PRIMA1: variants seen among roughly 807,000 people sequenced by gnomAD.
PRIMA1 encodes the protein proline rich membrane anchor 1, also known as proline-rich membrane anchor 1.
In PRIMA1, 7 loss-of-function variants were observed where a neutral mutation model predicts 17.5. That is an observed-to-expected ratio of 0.40 (90% CI 0.23 to 0.75). The LOEUF (loss-of-function observed/expected upper bound fraction) is 0.75. Among genes scored for constraint, PRIMA1 ranks in the 30% least tolerant of loss-of-function variants. The probability of loss-of-function intolerance (pLI) is 0.37; values close to 1 mark genes in which losing one functional copy is unlikely to be tolerated. For missense variants in PRIMA1, 200 were observed against 201.8 expected (o/e 0.99, Z 0.05); for synonymous variants, 97 against 77.9 (o/e 1.25, Z -1.29).
chr14:93,780,079 A>T (rs10143350), intron 2 of PRIMA1, among the ~76,000 whole-genome samples: 3 of 152,068 alleles, frequency 2.0e-5, no homozygotes, highest in African/African-American at 7.2e-5. Context: ...CTCTCTCCCC[A>T]TCTCTCTGCC....
chr14:93,775,820 C>T (rs576013831), intron 3 of PRIMA1, among the ~76,000 whole-genome samples: 14 of 152,214 alleles, frequency 9.2e-5, no homozygotes, highest in Non-Finnish European at 1.8e-4. Context: ...TGGGTTTTAG[C>T]CCTTCTATTC....
chr14:93,749,858 C>T (rs1029242653), intron 3 of PRIMA1, among the ~76,000 whole-genome samples: 3 of 151,832 alleles, frequency 2.0e-5, no homozygotes, highest in Non-Finnish European at 2.9e-5. Flanking sequence ...GCCTGGGCAA[C>T]ATAGCAAGAC....
At chr14:93,772,634 C>T (rs1174528480) in intron 3 of PRIMA1, among the ~76,000 whole-genome samples, 1 of 152,250 alleles carries the variant, frequency 6.6e-6, no homozygotes, top group African/African-American at 2.4e-5. Context: ...TCATGCCCAC[C>T]CATGCCTTCC....
intron 4 of PRIMA1, among the ~76,000 whole-genome samples, chr14:93,728,382 G>T (rs557221474): frequency 2.0e-5 from 3 of 152,212 alleles, no homozygotes; most frequent in Non-Finnish European, 2.9e-5. Flanking sequence ...GAGGTCCAGG[G>T]GATGAGAAGG....
At chr14:93,752,739 A>G (rs1466420698) in intron 3 of PRIMA1, among the ~76,000 whole-genome samples, 1 of 151,894 alleles carries the variant, frequency 6.6e-6, no homozygotes, top group Non-Finnish European at 1.5e-5. Context: ...TGTCTGGACA[A>G]GCAGCCCAGT....
chr14:93,742,085 T>G (rs1043308492), intron 3 of PRIMA1, among the ~76,000 whole-genome samples: 2 of 152,144 alleles, frequency 1.3e-5, no homozygotes, highest in Non-Finnish European at 2.9e-5. Context: ...GACTTCTGCT[T>G]CCAGCCAAGA....
intron 3 of PRIMA1, among the ~76,000 whole-genome samples, chr14:93,774,997 C>T (rs374546374): frequency 6.6e-6 from 1 of 152,226 alleles, no homozygotes; most frequent in African/African-American, 2.4e-5. Flanking sequence ...CTCATGGAAT[C>T]GGCCTCTTAT....
chr14:93,721,190 G>A lies in PRIMA1; in HGVS notation c.*254C>T. The A allele has an allele frequency of 2.1e-6, 1 of 484,096 alleles. No individual in the cohort carries two copies. Among genetic ancestry groups the A allele is most frequent in the Non-Finnish European group, 3.7e-6 (1 of 272,210 alleles). 30.0% of individuals were successfully genotyped at this position (484,096 alleles called of 1,614,324 possible). A position where few individuals can be genotyped will look rare whatever the true frequency, so the allele number is the denominator to read the frequency against. The stretch of plus-strand genomic sequence containing the variant: ...CAGACCAGACACCAGACAGGGAGGA[G>A]GATGTGGAGGGCCTGGGGTGGGGAC... On this transcript the variant is annotated 3_prime_UTR_variant, in exon 5 of 5. Transcript: ENST00000393140.
chr14:93,737,350 G>C lies in PRIMA1; in HGVS notation c.250C>G (p.Pro84Ala), dbSNP rs376511394. ...CCCGACCACCAGCTTTCCTCAGTGGGGCAAGAGGTAGAGTTGGGAGCTGAA... is the reference window on the plus strand; with the variant it reads ...CCCGACCACCAGCTTTCCTCAGTGGCGCAAGAGGTAGAGTTGGGAGCTGAA... ...SAPAPNSTSC[P>A]TEESWWSGLV... The change falls in exon 4 of 5, where the codon CCC becomes GCC. Residue 84 changes from proline (P) to alanine (A), a missense_variant. Pro to Ala is a conservative substitution (Grantham distance 27). Coordinates refer to ENST00000393140, the MANE Select transcript of PRIMA1 (RefSeq NM_178013.4). 7.4e-6 allele frequency: 12 copies of C among 1,614,110 alleles called. No homozygotes were observed. The highest frequency in any genetic ancestry group is 1.0e-5 in the Non-Finnish European group (12 of 1,179,998).
At chr14:93,783,782 T>C (rs1885446561) in intron 2 of PRIMA1, among the ~76,000 whole-genome samples, 1 of 152,232 alleles carries the variant, frequency 6.6e-6, no homozygotes. Context: ...AGGTATGTCC[T>C]GGAGTCCCCT....
chr14:93,724,059 A>T (rs986668907), intron 4 of PRIMA1, among the ~76,000 whole-genome samples: 1 of 151,944 alleles, frequency 6.6e-6, no homozygotes, highest in Non-Finnish European at 1.5e-5. Flanking sequence ...TAAGTTTTAA[A>T]TTTTTTGTAG....
chr14:93,746,373 C>T (rs1212593701), intron 3 of PRIMA1, among the ~76,000 whole-genome samples: 2 of 151,966 alleles, frequency 1.3e-5, no homozygotes, highest in Non-Finnish European at 2.9e-5. Flanking sequence ...CAGGGTCAGT[C>T]TCCAGAGGAG....
At chr14:93,760,887 GACA>G (rs60434362) in intron 3 of PRIMA1, among the ~76,000 whole-genome samples, 21,539 of 148,944 alleles carry the variant, frequency 0.14, 2,559 homozygotes, top group African/African-American at 0.33. Context: ...CTACCACCTT[GACA>G]ACATCTATAG....
At chr14:93,784,500 T>C (rs988355143) in intron 2 of PRIMA1, among the ~76,000 whole-genome samples, 2 of 152,180 alleles carry the variant, frequency 1.3e-5, no homozygotes, top group African/African-American at 4.8e-5. Flanking sequence ...CAACCTGAGA[T>C]TGTGTCATCT....
chr14:93,784,980 C>G (rs575179535), intron 2 of PRIMA1, among the ~76,000 whole-genome samples: 2 of 152,178 alleles, frequency 1.3e-5, no homozygotes, highest in East Asian at 3.9e-4. Context: ...TTCAACATCA[C>G]TTGGGTCTGG....
At chr14:93,755,960 T>C (rs530313738) in intron 3 of PRIMA1, among the ~76,000 whole-genome samples, 166 of 152,292 alleles carry the variant, frequency 1.1e-3, no homozygotes, top group Non-Finnish European at 2.0e-3. Context: ...CACCCGAAGC[T>C]CTTCTCCCAC....
intron 3 of PRIMA1, among the ~76,000 whole-genome samples, chr14:93,743,197 C>T (rs2076194714): frequency 6.6e-6 from 1 of 152,208 alleles, no homozygotes; most frequent in Admixed American, 6.5e-5. Context: ...GAGTGGCAGC[C>T]CACTCGCCCC....
At chr14:93,770,003 T>C (rs928374660) in intron 3 of PRIMA1, among the ~76,000 whole-genome samples, 12 of 152,188 alleles carry the variant, frequency 7.9e-5, no homozygotes, top group Non-Finnish European at 1.8e-4. Flanking sequence ...TGGTGGTTTC[T>C]TCCACGCAGT....
At chr14:93,760,734 T>C (rs1402053680) in intron 3 of PRIMA1, among the ~76,000 whole-genome samples, 18 of 152,328 alleles carry the variant, frequency 1.2e-4, no homozygotes, top group East Asian at 9.6e-4. Context: ...GGTCAATCAA[T>C]GGCCTTGCTG....
Sources: gnomAD v4.1 joint callset for allele counts (sites outside exome capture counted in the v4.1 genomes callset) on GRCh38, gnomAD v4.1.1 for gene constraint, MANE v1.5 for transcripts, NCBI Gene and HGNC (gene_info 2026-07-23, HGNC 2026-07-21) for gene names.